The following PPP3CB variants were observed in gnomAD, a reference collection of about 807,000 sequenced individuals.
PPP3CB encodes the protein serine/threonine-protein phosphatase 2B catalytic subunit beta isoform.
PPP3CB carries 8 observed loss-of-function variants against 66.4 expected under a neutral mutation model. The ratio of observed to expected loss-of-function variants is 0.12; its 90% CI spans 0.07 to 0.22. The LOEUF is 0.22. PPP3CB is among the 10% of genes least tolerant of loss of function. The pLI, the probability that PPP3CB is intolerant of heterozygous loss-of-function variation, is 1.00. For missense variants in PPP3CB, 319 were observed against 642.5 expected (o/e 0.50, Z 5.44); for synonymous variants, 208 against 221.2 (o/e 0.94, Z 0.53).
chr10:73,455,657 C>T (rs1006274710), intron 9 of PPP3CB, among the ~76,000 whole-genome samples: 4 of 152,300 alleles, frequency 2.6e-5, no homozygotes, highest in Non-Finnish European at 4.4e-5. Context: ...CAGGCTCCGC[C>T]TCCCGGGTTC....
intron 9 of PPP3CB, among the ~76,000 whole-genome samples, chr10:73,458,207 G>A (rs1196179987): frequency 6.6e-6 from 1 of 152,098 alleles, no homozygotes; most frequent in African/African-American, 2.4e-5. Context: ...TGTGATCTTG[G>A]CTCATTGCAA....
chr10:73,488,048 TG>T (rs1323039121), intron 1 of PPP3CB, among the ~76,000 whole-genome samples: 1 of 152,106 alleles, frequency 6.6e-6, no homozygotes, highest in African/African-American at 2.4e-5. Context: ...CCCAAAGTGC[TG>T]GGGTTAGGGT....
chr10:73,447,915 A>C (rs1184725429), intron 10 of PPP3CB, among the ~76,000 whole-genome samples: 2 of 151,450 alleles, frequency 1.3e-5, no homozygotes, highest in African/African-American at 4.8e-5. Flanking sequence ...CCACAAAAAA[A>C]CCCCCAAAAA....
intron 1 of PPP3CB, among the ~76,000 whole-genome samples, chr10:73,489,160 T>C (rs75141564): frequency 0.021 from 3,214 of 152,304 alleles, 106 homozygotes; most frequent in African/African-American, 0.071. Flanking sequence ...TAAAAAACTG[T>C]TGCTCACCTA....
chr10:73,459,791 G>A (rs1019961238), intron 9 of PPP3CB, among the ~76,000 whole-genome samples: 14 of 152,164 alleles, frequency 9.2e-5, no homozygotes, highest in African/African-American at 2.9e-4. Flanking sequence ...GTTACCTAGG[G>A]TTAGCAAGGG....
intron 1 of PPP3CB, among the ~76,000 whole-genome samples, chr10:73,483,480 C>T (rs2056917174): frequency 6.6e-6 from 1 of 151,942 alleles, no homozygotes; most frequent in South Asian, 2.1e-4. Flanking sequence ...CATGGTGAAA[C>T]CCCGTCTCTA....
intron 10 of PPP3CB, among the ~76,000 whole-genome samples, chr10:73,447,520 CACCATGGTTGAGGAGAAGGTTAAGG>C (rs2056276646): frequency 6.6e-6 from 1 of 152,130 alleles, no homozygotes. Flanking sequence ...CACATGGAAG[CACCATGGTTGAGGAGAAGGTTAAGG>C]AAAGGCTAAA....
At chr10:73,467,263 T>C in intron 9 of PPP3CB, 1 of 172,072 alleles carries the variant, frequency 5.8e-6, no homozygotes, top group Non-Finnish European at 1.2e-5. Context: ...CTCCACCCCT[T>C]CATAAAAGAT....
chr10:73,457,467 C>T (rs542484890), intron 9 of PPP3CB, among the ~76,000 whole-genome samples: 1 of 151,404 alleles, frequency 6.6e-6, no homozygotes, highest in African/African-American at 2.4e-5. Context: ...TCAGCTAGGC[C>T]GGGGGTCATG....
chr10:73,441,115 A>G (rs1247327861), intron 12 of PPP3CB, among the ~76,000 whole-genome samples: 1 of 152,216 alleles, frequency 6.6e-6, no homozygotes, highest in Non-Finnish European at 1.5e-5. Flanking sequence ...TCTTTTAGCA[A>G]TTAACATGAT....
In PPP3CB at chr10:73,436,692, A is replaced by G. The variant is rs891246779; in HGVS notation, c.*1550T>C. The G allele has an allele frequency of 6.6e-6, 1 of 152,188 alleles. No homozygotes were observed. The highest frequency in any genetic ancestry group is 1.5e-5 in the Non-Finnish European group (1 of 68,040). 9.4% of individuals were successfully genotyped at this position (152,188 alleles called of 1,614,324 possible). ...AATTTAATTAATCAAATTACCATGA[A>G]CTATCCACGAGATAATCTCCGGAGG... On this transcript the variant is annotated 3_prime_UTR_variant, in exon 14 of 14. Coordinates refer to ENST00000360663, the MANE Select transcript of PPP3CB (RefSeq NM_021132.4).
intron 9 of PPP3CB, among the ~76,000 whole-genome samples, chr10:73,456,710 C>T (rs2056433147): frequency 6.6e-6 from 1 of 152,066 alleles, no homozygotes; most frequent in Admixed American, 6.6e-5. Context: ...GGATCAAACA[C>T]CTAATGTAAG....
rs192569316 is a variant in PPP3CB at position 73,471,718 on chromosome 10, A to G, written c.524-105T>C. The G allele has an allele frequency of 1.5e-4, 123 of 845,682 alleles. 2 individuals carry two copies. The highest frequency in any genetic ancestry group is 1.4e-3 in the African/African-American group (82 of 57,254). The allele number at this position is 845,682 out of a possible 1,614,324, so 52.4% of individuals were successfully genotyped here. A position where few individuals can be genotyped will look rare whatever the true frequency, so the allele number is the denominator to read the frequency against. ...TATTTCTTGTTCTCTCCCCTCCTTT[A>G]TATCTTATAGCTATTTATAATGAAA... is the stretch of plus-strand genomic sequence containing the variant. On this transcript the variant is annotated intron_variant, in intron 4 of 13. Transcript: ENST00000360663.
At chr10:73,472,488 C>G (rs1200278153) in intron 4 of PPP3CB, among the ~76,000 whole-genome samples, 1 of 146,458 alleles carries the variant, frequency 6.8e-6, no homozygotes, top group Non-Finnish European at 1.5e-5. Flanking sequence ...GAGCAAGACT[C>G]TGTCTCAAAA....
chr10:73,460,246 A>G (rs2056499205), intron 9 of PPP3CB, among the ~76,000 whole-genome samples: 1 of 150,020 alleles, frequency 6.7e-6, no homozygotes, highest in South Asian at 2.1e-4. Context: ...CTTCTGAAAG[A>G]AAGGCAAGAA....
Position 73,492,757 on chromosome 10 carries a change from TA to T in PPP3CB, c.85+3047del, listed in dbSNP as rs1450118541. Among the ~76,000 whole-genome samples the T allele has an allele frequency of 2.0e-5, 3 of 152,264 alleles. No homozygotes were observed. In the East Asian group the frequency reaches 5.8e-4, roughly 29 times the overall value. ...AATCAACCAAAAACCTAATGACCCA[TA>T]ATCAATGACATGGAATTACCACTAA... is the stretch of plus-strand genomic sequence containing the variant. On this transcript the variant is annotated intron_variant, in intron 1 of 13. Coordinates refer to ENST00000360663, the MANE Select transcript of PPP3CB (RefSeq NM_021132.4).
chr10:73,454,976 G>GAA (rs2056401899), intron 9 of PPP3CB, among the ~76,000 whole-genome samples: 1 of 151,706 alleles, frequency 6.6e-6, no homozygotes, highest in African/African-American at 2.4e-5. Flanking sequence ...AGGTTCAAGA[G>GAA]ATTCTCCTGC....
chr10:73,483,054 G>T (rs1564567891), intron 1 of PPP3CB, among the ~76,000 whole-genome samples: 1 of 152,190 alleles, frequency 6.6e-6, no homozygotes, highest in Admixed American at 6.5e-5. Context: ...AAGTGGTACT[G>T]CATGTTTTCA....
At chr10:73,488,183 C>T (rs1001205544) in intron 1 of PPP3CB, among the ~76,000 whole-genome samples, 6 of 152,138 alleles carry the variant, frequency 3.9e-5, no homozygotes, top group African/African-American at 1.4e-4. Flanking sequence ...CTTCAGAATG[C>T]TGCTCCTGTA....
Sources: allele counts gnomAD v4.1 joint callset (sites outside exome capture counted in the v4.1 genomes callset), GRCh38; gene constraint gnomAD v4.1.1; transcripts MANE v1.5; gene names NCBI Gene and HGNC (gene_info 2026-07-23, HGNC 2026-07-21).